Variants in SYT2 observed in about 807,000 individuals in gnomAD.
The protein encoded by SYT2 is synaptotagmin 2, also known as synaptotagmin-2.
SYT2 carries 15 observed loss-of-function variants against 39.9 expected under a neutral mutation model. The ratio of observed to expected loss-of-function variants is 0.38; its 90% CI spans 0.25 to 0.58. The LOEUF is 0.58. Ranked by LOEUF, SYT2 falls within the 20% of genes least tolerant of loss-of-function variation. SYT2 has a pLI of 0.70. For missense variants in SYT2, 389 were observed against 530.3 expected (o/e 0.73, Z 2.62); for synonymous variants, 181 against 204.5 (o/e 0.89, Z 0.98).
intron 1 of SYT2, among the ~76,000 whole-genome samples, chr1:202,645,225 C>A (rs1692055989): frequency 6.6e-6 from 1 of 152,228 alleles, no homozygotes; most frequent in Admixed American, 6.5e-5. Flanking sequence ...CACTCTGCTA[C>A]ACTCCCGTAA....
intron 1 of SYT2, among the ~76,000 whole-genome samples, chr1:202,654,479 C>G (rs56301442): frequency 1.8e-4 from 28 of 152,346 alleles, no homozygotes; most frequent in Non-Finnish European, 3.1e-4. Flanking sequence ...TCACTCCTGC[C>G]AATTCATTCA....
chr1:202,627,570 C>A (rs975060411), intron 1 of SYT2: 1 of 985,034 alleles, frequency 1.0e-6, no homozygotes, highest in African/African-American at 1.7e-5. Context: ...GCCCATGGCT[C>A]CCCATGGGGA....
chr1:202,631,852 A>T (rs1333994559), intron 1 of SYT2, among the ~76,000 whole-genome samples: 2 of 152,212 alleles, frequency 1.3e-5, no homozygotes, highest in African/African-American at 4.8e-5. Context: ...AAGGGGACAC[A>T]GCGCTGACCT....
chr1:202,599,097 C>T lies in SYT2; in HGVS notation c.1053+121G>A. On this transcript the variant is annotated intron_variant, in intron 8 of 8. Transcript: ENST00000367268. The surrounding 1 kb of genome is among the most constrained non-coding windows in gnomAD (Gnocchi z 4.4). ...CACCCAGGCACCATTAGACCTCGAG[C>T]CTTCCCCTACCAAGAAAGGCTGTTC... The T allele has an allele frequency of 2.9e-6, 4 of 1,400,668 alleles. No individual in the cohort carries two copies. The highest frequency in any genetic ancestry group is 3.9e-6 in the Non-Finnish European group (4 of 1,030,448). The allele number at this position is 1,400,668 out of a possible 1,614,324, so 86.8% of individuals were successfully genotyped here. A position where few individuals can be genotyped will look rare whatever the true frequency, so the allele number is the denominator to read the frequency against.
chr1:202,686,756 C>T (rs969359865), intron 1 of SYT2, among the ~76,000 whole-genome samples: 2 of 152,200 alleles, frequency 1.3e-5, no homozygotes, highest in Non-Finnish European at 2.9e-5. Context: ...ATTTTTCATA[C>T]CCTGCCAAAG....
At chr1:202,624,280 GTATA>G (rs974118650) in intron 1 of SYT2, among the ~76,000 whole-genome samples, 2 of 150,310 alleles carry the variant, frequency 1.3e-5, no homozygotes, top group African/African-American at 4.9e-5. Flanking sequence ...AGTGGGGTGT[GTATA>G]TATGGTGTGT....
chr1:202,645,446 T>C (rs1439367894), intron 1 of SYT2, among the ~76,000 whole-genome samples: 2 of 152,136 alleles, frequency 1.3e-5, no homozygotes, highest in Non-Finnish European at 2.9e-5. Flanking sequence ...AGGTTCGACT[T>C]TGGGGTTTCC....
rs912424801 is a variant in SYT2, at chr1:202,636,449, C to T, written c.-17-30660G>A. ...GGCTATTTCAAATCATCGTCTGCCTCATTTGATCCCAGGACATCTTGGGAG... is the reference window on the plus strand; with the variant it reads ...GGCTATTTCAAATCATCGTCTGCCTTATTTGATCCCAGGACATCTTGGGAG... On this transcript the variant is annotated intron_variant, in intron 1 of 8. Coordinates refer to ENST00000367268, the MANE Select transcript of SYT2 (RefSeq NM_177402.5). 2.5e-5 allele frequency: 24 copies of T among 953,540 alleles called. No individual in the cohort carries two copies. The African/African-American group carries it at 4.2e-4, about 17-fold the overall frequency. The allele number at this position is 953,540 out of a possible 1,614,324, so 59.1% of individuals were successfully genotyped here.
At chr1:202,707,738 A>G (rs966387293) in intron 1 of SYT2, among the ~76,000 whole-genome samples, 1 of 152,238 alleles carries the variant, frequency 6.6e-6, no homozygotes, top group Non-Finnish European at 1.5e-5. Context: ...GGCGGGGAAG[A>G]AAAAGGAGAC....
At chr1:202,675,245 G>A (rs369601183) in intron 1 of SYT2, among the ~76,000 whole-genome samples, 70 of 152,150 alleles carry the variant, frequency 4.6e-4, no homozygotes, top group African/African-American at 1.4e-3. Flanking sequence ...TATATTTAAC[G>A]TGCAGTCATT....
chr1:202,648,660 T>C lies in SYT2; in HGVS notation c.-17-42871A>G, dbSNP rs188388193. ...CTGCTGGCATCCATCTTCTGGAGTA[T>C]GGATTTGCATCCACTGGGCTACCTG... On this transcript the variant is annotated intron_variant, in intron 1 of 8. Coordinates refer to ENST00000367268, the MANE Select transcript of SYT2 (RefSeq NM_177402.5). Among the ~76,000 whole-genome samples, 408 of 152,338 alleles carry C rather than the reference T, an allele frequency of 2.7e-3. 1 individual carries two copies. The highest frequency in any genetic ancestry group is 4.6e-3 in the Non-Finnish European group (315 of 68,018).
intron 1 of SYT2, among the ~76,000 whole-genome samples, chr1:202,625,310 T>TAGTGTGTGTGGTGTGTAGTAG (rs1691363583): frequency 2.4e-5 from 2 of 83,888 alleles, no homozygotes; most frequent in Admixed American, 1.1e-4. Flanking sequence ...TGTGTCTGTG[T>TAGTGTGTGTGGTGTGTAGTAG]GGTGTGTGTG....
At chr1:202,680,772 T>C (rs1653504505) in intron 1 of SYT2, among the ~76,000 whole-genome samples, 1 of 152,168 alleles carries the variant, frequency 6.6e-6, no homozygotes, top group South Asian at 2.1e-4. Context: ...CCTGTGGTGC[T>C]GTCCAACAAG....
At chr1:202,625,347 T>C (rs1691367021) in intron 1 of SYT2, among the ~76,000 whole-genome samples, 1 of 131,426 alleles carries the variant, frequency 7.6e-6, no homozygotes. Context: ...TAGTAGGGTG[T>C]GTGTGTGATG....
chr1:202,654,282 C>A (rs546604215), intron 1 of SYT2, among the ~76,000 whole-genome samples: 4 of 152,206 alleles, frequency 2.6e-5, no homozygotes, highest in Non-Finnish European at 5.9e-5. Context: ...TTCACAGTCA[C>A]GTGACCCAAG....
At chr1:202,658,054 G>T (rs1692310612) in intron 1 of SYT2, among the ~76,000 whole-genome samples, 1 of 152,086 alleles carries the variant, frequency 6.6e-6, no homozygotes, top group Non-Finnish European at 1.5e-5. Context: ...AGCTCATCGA[G>T]TGACCTTGGG....
chr1:202,609,529 C>T (rs1361880621), intron 1 of SYT2, among the ~76,000 whole-genome samples: 1 of 152,234 alleles, frequency 6.6e-6, no homozygotes, highest in East Asian at 1.9e-4. Flanking sequence ...GTTCCTATTT[C>T]TCCACATCCT....
intron 1 of SYT2, among the ~76,000 whole-genome samples, chr1:202,640,557 T>C (rs1691876060): frequency 6.6e-6 from 1 of 152,106 alleles, no homozygotes; most frequent in African/African-American, 2.4e-5. Flanking sequence ...TGCTTCTCAG[T>C]TGGTCCATTC....
chr1:202,670,925 T>C (rs546364801), intron 1 of SYT2, among the ~76,000 whole-genome samples: 24 of 152,368 alleles, frequency 1.6e-4, no homozygotes, highest in African/African-American at 5.8e-4. Flanking sequence ...GGCTGGATTC[T>C]AAATGTTCAC....
Sources: gnomAD v4.1 joint callset for allele counts (sites outside exome capture counted in the v4.1 genomes callset) on GRCh38, gnomAD v4.1.1 for gene constraint, Gnocchi (gnomAD v3.1) non-coding constraint, MANE v1.5 for transcripts, NCBI Gene and HGNC (gene_info 2026-07-23, HGNC 2026-07-21) for gene names.